NDUFA10: variants seen among roughly 807,000 people sequenced by gnomAD.
NDUFA10 encodes the protein NADH dehydrogenase [ubiquinone] 1 alpha subcomplex subunit 10, mitochondrial.
Under a neutral mutation model 47.8 loss-of-function variants are expected in NDUFA10, and 40 were observed. The observed-to-expected ratio is 0.84, with a 90% CI of 0.65 to 1.09. The LOEUF (loss-of-function observed/expected upper bound fraction) is 1.09, where lower values mean the gene tolerates loss of function less well. NDUFA10 is among the 50% of genes least tolerant of loss of function. NDUFA10 has a pLI of 0.00. For synonymous variants in NDUFA10, 183 were observed against 172.2 expected (o/e 1.06, Z -0.49); for missense variants, 413 against 451.1 (o/e 0.92, Z 0.76).
chr2:239,988,680 A>G (rs1293225044), intron 9 of NDUFA10, among the ~76,000 whole-genome samples: 1 of 152,220 alleles, frequency 6.6e-6, no homozygotes, highest in African/African-American at 2.4e-5. Flanking sequence ...CCACTCACAA[A>G]AGCAGAGACA....
chr2:239,996,967 A>G (rs1696506176), intron 8 of NDUFA10, among the ~76,000 whole-genome samples: 1 of 152,106 alleles, frequency 6.6e-6, no homozygotes, highest in African/African-American at 2.4e-5. Flanking sequence ...GCAATGTAAT[A>G]CAATAATATA....
chr2:239,982,863 C>CT (rs1695831297), intron 9 of NDUFA10, among the ~76,000 whole-genome samples: 1 of 152,124 alleles, frequency 6.6e-6, no homozygotes, highest in South Asian at 2.1e-4. Context: ...TTGTTTTTTC[C>CT]GCTCAGCATC....
intron 4 of NDUFA10, among the ~76,000 whole-genome samples, chr2:239,925,722 G>C (rs564179156): frequency 6.6e-6 from 1 of 152,182 alleles, no homozygotes; most frequent in Non-Finnish European, 1.5e-5. Flanking sequence ...AAAAGCCCTA[G>C]TGACAGAATG....
In NDUFA10 at chr2:240,025,309, C is replaced by G. The variant is rs1311667265; in HGVS notation, c.-8G>C. ...CAGGAGCCGCAAGGCCATGGCTACC[C>G]GGTCAGCTCAGGATCAAGGACCCAA... On this transcript the variant is annotated 5_prime_UTR_variant, in exon 1 of 10. Transcript: ENST00000252711. The G allele has an allele frequency of 2.0e-6, 3 of 1,505,272 alleles. No individual in the cohort carries two copies. Among genetic ancestry groups the G allele is most frequent in the South Asian group, 1.3e-5 (1 of 79,996 alleles). The allele number at this position is 1,505,272 out of a possible 1,614,324, so 93.2% of individuals were successfully genotyped here. A position where few individuals can be genotyped will look rare whatever the true frequency, so the allele number is the denominator to read the frequency against.
At chr2:239,964,494 G>GGCAGCA (rs144684727) in intron 9 of NDUFA10, among the ~76,000 whole-genome samples, 4 of 152,278 alleles carry the variant, frequency 2.6e-5, no homozygotes, top group African/African-American at 7.2e-5. Flanking sequence ...AGTGGTAGCT[G>GGCAGCA]GCAGCAGCAG....
intron 1 of NDUFA10, among the ~76,000 whole-genome samples, 195 bp downstream of exon 1, chr2:240,025,032 G>A (rs1323087595): frequency 6.6e-6 from 1 of 152,222 alleles, no homozygotes; most frequent in African/African-American, 2.4e-5. Context: ...ATGGCCTGGA[G>A]AAGCTCGTGG....
chr2:239,955,332 C>T (rs758258335), downstream of NDUFA10, among the ~76,000 whole-genome samples: 23 of 152,116 alleles, frequency 1.5e-4, no homozygotes, highest in Non-Finnish European at 2.9e-4. Context: ...TGACCAATGC[C>T]GGCATTTTCC....
At chr2:239,984,463 T>A (rs997784617) in intron 9 of NDUFA10, among the ~76,000 whole-genome samples, 2 of 152,230 alleles carry the variant, frequency 1.3e-5, no homozygotes, top group Non-Finnish European at 2.9e-5. Flanking sequence ...GTCATTTAAA[T>A]ACGATTCAAA....
intron 2 of NDUFA10, 145 bp downstream of exon 2, chr2:240,022,027 A>T: frequency 1.6e-6 from 1 of 643,854 alleles, no homozygotes; most frequent in Non-Finnish European, 2.2e-6. Flanking sequence ...CAGCTTTTTC[A>T]ATAAACAAAA....
intron 9 of NDUFA10, among the ~76,000 whole-genome samples, chr2:239,979,194 T>C (rs909964423): frequency 9.2e-5 from 14 of 152,188 alleles, no homozygotes; most frequent in Admixed American, 8.5e-4. Flanking sequence ...ATTCCTAAAT[T>C]AAAGCCTTTA....
intron 9 of NDUFA10, among the ~76,000 whole-genome samples, chr2:239,979,085 A>G (rs878925): frequency 0.29 from 43,376 of 152,002 alleles, 6,905 homozygotes; most frequent in East Asian, 0.38. Context: ...CTCCCTGAGA[A>G]GTGTGCTCCT....
chr2:239,908,284 T>C (rs977803476), intron 4 of NDUFA10, among the ~76,000 whole-genome samples: 1 of 152,002 alleles, frequency 6.6e-6, no homozygotes, highest in Non-Finnish European at 1.5e-5. Flanking sequence ...CATTAGGAGA[T>C]AGACCTAATG....
Position 239,899,453 on chromosome 2 carries a change from T to C in NDUFA10, c.295-4139A>G, listed in dbSNP as rs371338115. On this transcript the variant is annotated intron_variant, in intron 4 of 5. Coordinates refer to the NDUFA10 transcript ENST00000419408. ...GATGGAGGAATGTGGAGGGTTGTGATGGAGGGGTGTGACGGAGGGGTGTGA... is the reference window on the plus strand; with the variant it reads ...GATGGAGGAATGTGGAGGGTTGTGACGGAGGGGTGTGACGGAGGGGTGTGA... 7.7e-5 allele frequency among the ~76,000 whole-genome samples: 11 copies of C among 143,440 alleles called. 1 individual carries two copies. In the East Asian group the frequency reaches 8.8e-4, roughly 11 times the overall value. 94.1% of individuals were successfully genotyped at this position (143,440 alleles called of 152,430 possible). A position where few individuals can be genotyped will look rare whatever the true frequency, so the allele number is the denominator to read the frequency against.
In NDUFA10 at chr2:239,959,890, T is replaced by C; in HGVS notation, c.*1228A>G. ...CAGGCGGACGCAAGGAGGGAAGGAG[T>C]GTGCATCTTCTTCGCATGCTCCGCA... On this transcript the variant is annotated 3_prime_UTR_variant, in exon 10 of 10. Transcript: ENST00000252711. 1 of 981,550 alleles carries C rather than the reference T, an allele frequency of 1.0e-6. No homozygotes were observed. Among genetic ancestry groups the C allele is most frequent in the Non-Finnish European group, 1.2e-6 (1 of 826,770 alleles). 60.8% of individuals were successfully genotyped at this position (981,550 alleles called of 1,614,324 possible).
chr2:239,965,911 T>C (rs1559327602), intron 9 of NDUFA10, among the ~76,000 whole-genome samples: 1 of 152,238 alleles, frequency 6.6e-6, no homozygotes, highest in Non-Finnish European at 1.5e-5. Flanking sequence ...TCAAGGCATT[T>C]TGGACTCATT....
intron 9 of NDUFA10, chr2:239,983,404 T>C: frequency 2.8e-6 from 4 of 1,435,546 alleles, no homozygotes; most frequent in Non-Finnish European, 3.7e-6. Context: ...TCTATGAATT[T>C]CCAGAAATGG....
intron 4 of NDUFA10, among the ~76,000 whole-genome samples, chr2:239,932,602 C>T (rs931223385): frequency 8.0e-5 from 12 of 150,766 alleles, no homozygotes; most frequent in Admixed American, 2.0e-4. Flanking sequence ...TTTTTTGAGA[C>T]GGAGTCTCGC....
intron 4 of NDUFA10, among the ~76,000 whole-genome samples, chr2:239,923,714 C>A (rs1694024784): frequency 6.7e-6 from 1 of 148,460 alleles, no homozygotes; most frequent in South Asian, 2.2e-4. Flanking sequence ...AAAAAGGGCA[C>A]AATAAACACA....
chr2:239,926,610 A>G (rs1197657600), intron 4 of NDUFA10, among the ~76,000 whole-genome samples: 2 of 86,410 alleles, frequency 2.3e-5, no homozygotes, highest in Non-Finnish European at 4.6e-5. Flanking sequence ...TACTCCTCCT[A>G]CTTATAAAAA....
Sources: allele counts gnomAD v4.1 joint callset (sites outside exome capture counted in the v4.1 genomes callset), GRCh38; gene constraint gnomAD v4.1.1; transcripts MANE v1.5; gene names NCBI Gene and HGNC (gene_info 2026-07-23, HGNC 2026-07-21).